The following KCNH5 variants were observed in gnomAD, a reference collection of about 807,000 sequenced individuals.
KCNH5 encodes the protein potassium voltage-gated channel subfamily H member 5.
KCNH5 carries 46 observed loss-of-function variants against 96.1 expected under a neutral mutation model. The observed-to-expected ratio is 0.48, with a 90% CI of 0.38 to 0.61. The LOEUF (loss-of-function observed/expected upper bound fraction) is 0.61. Among genes scored for constraint, KCNH5 ranks in the 20% least tolerant of loss-of-function variants. The pLI, the probability that KCNH5 is intolerant of heterozygous loss-of-function variation, is 0.00. For missense variants in KCNH5, 907 were observed against 1,225.8 expected (o/e 0.74, Z 3.88); for synonymous variants, 439 against 449.8 (o/e 0.98, Z 0.30).
chr14:62,908,917 C>A (rs960091541), intron 7 of KCNH5, among the ~76,000 whole-genome samples: 1 of 149,072 alleles, frequency 6.7e-6, no homozygotes, highest in African/African-American at 2.5e-5. Flanking sequence ...GACTCATTGA[C>A]CTACTACCTG....
chr14:62,991,783 G>A (rs1488697931), intron 4 of KCNH5, among the ~76,000 whole-genome samples: 1 of 151,820 alleles, frequency 6.6e-6, no homozygotes, highest in Non-Finnish European at 1.5e-5. Flanking sequence ...ACAAACCCCT[G>A]CCAAAAATGT....
At chr14:62,762,199 T>TA (rs1460462820) in intron 10 of KCNH5, among the ~76,000 whole-genome samples, 2 of 152,100 alleles carry the variant, frequency 1.3e-5, no homozygotes, top group Non-Finnish European at 1.5e-5. Flanking sequence ...AGGCTCTCCA[T>TA]ACTCTTCTTG....
At chr14:62,936,204 C>T (rs1889677071) in intron 7 of KCNH5, among the ~76,000 whole-genome samples, 1 of 152,066 alleles carries the variant, frequency 6.6e-6, no homozygotes, top group Admixed American at 6.6e-5. Flanking sequence ...AAGACACATG[C>T]TTTAGAAAGC....
At chr14:62,982,289 A>T (rs1890624667) in intron 5 of KCNH5, among the ~76,000 whole-genome samples, 1 of 152,206 alleles carries the variant, frequency 6.6e-6, no homozygotes, top group Non-Finnish European at 1.5e-5. Context: ...AGATTGTGCC[A>T]CTGCACTCCA....
chr14:62,950,641 C>T (rs913845656), intron 6 of KCNH5, 82 bp from the exon 7 acceptor site: 43 of 1,165,382 alleles, frequency 3.7e-5, no homozygotes, highest in African/African-American at 4.7e-5. Flanking sequence ...GGCTCACCTT[C>T]ATAAATTTAA....
intron 8 of KCNH5, among the ~76,000 whole-genome samples, chr14:62,847,317 A>C (rs1377642372): frequency 6.6e-6 from 1 of 151,910 alleles, no homozygotes; most frequent in African/African-American, 2.4e-5. Context: ...GTAATCTAAG[A>C]ATCATTTTTA....
intron 7 of KCNH5, among the ~76,000 whole-genome samples, chr14:62,864,321 A>G (rs569133333): frequency 5.3e-5 from 8 of 152,316 alleles, no homozygotes; most frequent in African/African-American, 1.7e-4. Flanking sequence ...AATTAGGTCA[A>G]TTTCCAATTT....
chr14:62,782,530 A>G (rs1337802678), intron 9 of KCNH5, among the ~76,000 whole-genome samples: 1 of 152,218 alleles, frequency 6.6e-6, no homozygotes, highest in Non-Finnish European at 1.5e-5. Context: ...TGGTAGCCAA[A>G]GAAAGCCTCT....
intron 8 of KCNH5, among the ~76,000 whole-genome samples, chr14:62,843,220 G>A (rs1887621048): frequency 6.6e-6 from 1 of 151,984 alleles, no homozygotes; most frequent in Non-Finnish European, 1.5e-5. Flanking sequence ...CTGCTTTATA[G>A]GATGACATTT....
intron 8 of KCNH5, among the ~76,000 whole-genome samples, chr14:62,838,754 C>T (rs565491059): frequency 1.2e-4 from 19 of 152,206 alleles, no homozygotes; most frequent in South Asian, 4.2e-4. Context: ...ATCTAAGCCA[C>T]GTCATTTAAC....
At chr14:62,794,388 A>C (rs1283422058) in intron 9 of KCNH5, among the ~76,000 whole-genome samples, 1 of 146,152 alleles carries the variant, frequency 6.8e-6, no homozygotes, top group Non-Finnish European at 1.5e-5. Flanking sequence ...CCAGAGCATC[A>C]TTTTTTTTTT....
chr14:62,980,793 T>C (rs1890590507), intron 6 of KCNH5, 79 bp downstream of exon 6: 4 of 1,446,408 alleles, frequency 2.8e-6, no homozygotes, highest in Non-Finnish European at 3.7e-6. Context: ...AGGTTTGGAT[T>C]ATCTGTGGAA....
At chr14:62,769,994 T>C (rs927773105) in intron 10 of KCNH5, among the ~76,000 whole-genome samples, 14 of 152,238 alleles carry the variant, frequency 9.2e-5, no homozygotes, top group African/African-American at 3.4e-4. Context: ...GTTGCAAGTG[T>C]GGACAATGTT....
intron 10 of KCNH5, among the ~76,000 whole-genome samples, chr14:62,747,699 A>G (rs978869851): frequency 6.6e-6 from 1 of 152,232 alleles, no homozygotes; most frequent in Non-Finnish European, 1.5e-5. Flanking sequence ...AACGCAATTC[A>G]TGAACTAAAA....
At chr14:62,727,650 T>A (rs1884958568) in intron 10 of KCNH5, among the ~76,000 whole-genome samples, 1 of 151,962 alleles carries the variant, frequency 6.6e-6, no homozygotes, top group Admixed American at 6.6e-5. Flanking sequence ...CTCATAAGCA[T>A]GTAACTATAT....
chr14:62,735,654 C>T (rs1257520353), intron 10 of KCNH5, among the ~76,000 whole-genome samples: 1 of 152,152 alleles, frequency 6.6e-6, no homozygotes, highest in African/African-American at 2.4e-5. Flanking sequence ...TGGCCAATGC[C>T]ACTGTTATGA....
chr14:62,742,932 A>G (rs1885301485), intron 10 of KCNH5, among the ~76,000 whole-genome samples: 2 of 152,158 alleles, frequency 1.3e-5, no homozygotes, highest in East Asian at 3.9e-4. Context: ...TGCATGATTC[A>G]TGTACACAGC....
rs1212181729 is a variant in KCNH5 at position 62,948,872 on chromosome 14, T to C, written c.1369+1261A>G. Among the ~76,000 whole-genome samples the C allele has an allele frequency of 8.8e-5, 13 of 147,746 alleles. No homozygotes were observed. The East Asian group carries it at 2.2e-3, about 25-fold the overall frequency. On this transcript the variant is annotated intron_variant, in intron 7 of 10. Transcript: ENST00000322893. ...GGTTCAATATACGCAAATCAATAAA[T>C]GTAATCCAGCATATAAACAGAGCCA...
chr14:62,755,340 T>C (rs570624421), intron 10 of KCNH5, among the ~76,000 whole-genome samples: 9 of 151,992 alleles, frequency 5.9e-5, no homozygotes, highest in East Asian at 3.9e-4. Flanking sequence ...CTAGAAGAAA[T>C]AGATAAATGT....
Sources: allele counts gnomAD v4.1 joint callset (sites outside exome capture counted in the v4.1 genomes callset), GRCh38; gene constraint gnomAD v4.1.1; transcripts MANE v1.5; gene names NCBI Gene and HGNC (gene_info 2026-07-23, HGNC 2026-07-21).